PRKN: variants seen among roughly 807,000 people sequenced by gnomAD.
PRKN encodes E3 ubiquitin-protein ligase parkin.
Under a neutral mutation model 59.5 loss-of-function variants are expected in PRKN, and 56 were observed. The ratio of observed to expected loss-of-function variants is 0.94; its 90% CI spans 0.76 to 1.18. The LOEUF is 1.18. PRKN is among the 50% of genes most tolerant of loss of function. The probability of loss-of-function intolerance (pLI) is 0.00; values close to 1 mark genes in which losing one functional copy is unlikely to be tolerated. For synonymous variants in PRKN, 250 were observed against 222.1 expected (o/e 1.13, Z -1.12); for missense variants, 657 against 596.4 (o/e 1.10, Z -1.06).
rs1016161232 is a variant in PRKN at position 161,454,946 on chromosome 6, A to G, written c.1084-68069T>C. On this transcript the variant is annotated intron_variant, in intron 9 of 11. Transcript: ENST00000366898. The surrounding 1 kb of genome is among the most constrained non-coding windows in gnomAD (Gnocchi z 4.6). ...CTTCATAACACTGGTTTCTCTAGAC[A>G]TTATATTACATCTAGATTTGTCATA... 6.6e-6 allele frequency among the ~76,000 whole-genome samples: 1 copy of G among 151,962 alleles called. No individual in the cohort carries two copies. The highest frequency in any genetic ancestry group is 1.9e-4 in the East Asian group (1 of 5,180).
At chr6:161,619,480 T>A (rs1436687359) in intron 7 of PRKN, among the ~76,000 whole-genome samples, 1 of 152,182 alleles carries the variant, frequency 6.6e-6, no homozygotes, top group Admixed American at 6.5e-5. Flanking sequence ...AATAATGATA[T>A]CTATATAACA....
In PRKN at chr6:161,452,894, T is replaced by C. The variant is rs921501861; in HGVS notation, c.1084-66017A>G. 1.3e-4 allele frequency among the ~76,000 whole-genome samples: 20 copies of C among 151,592 alleles called. 1 individual carries two copies. Among genetic ancestry groups the C allele is most frequent in the Admixed American group, 1.2e-3 (19 of 15,218 alleles). ...TCTCTAATATCATATATATTTTATA[T>C]ATATATAAAATACCTCCATTCAAGT... On this transcript the variant is annotated intron_variant, in intron 9 of 11. Coordinates refer to ENST00000366898, the MANE Select transcript of PRKN (RefSeq NM_004562.3).
chr6:161,906,497 G>A (rs1476866555), intron 6 of PRKN, among the ~76,000 whole-genome samples: 1 of 151,944 alleles, frequency 6.6e-6, no homozygotes, highest in Non-Finnish European at 1.5e-5. Flanking sequence ...GAAGCCACTC[G>A]ACTCTGGGAC....
At chr6:162,132,264 G>A (rs1231803027) in intron 4 of PRKN, among the ~76,000 whole-genome samples, 4 of 152,054 alleles carry the variant, frequency 2.6e-5, no homozygotes, top group African/African-American at 7.3e-5. Context: ...GGGTCATGAC[G>A]GCTGGGCTCT....
chr6:161,679,432 G>A (rs1329873900), intron 7 of PRKN, among the ~76,000 whole-genome samples: 3 of 151,992 alleles, frequency 2.0e-5, no homozygotes, highest in African/African-American at 7.2e-5. Context: ...AGCCACACTC[G>A]GGAGGAACCC....
chr6:162,116,226 T>A (rs932277947), intron 4 of PRKN, among the ~76,000 whole-genome samples: 1 of 152,218 alleles, frequency 6.6e-6, no homozygotes, highest in Non-Finnish European at 1.5e-5. Context: ...AAAATTTGAT[T>A]AATAAACTGC....
intron 7 of PRKN, among the ~76,000 whole-genome samples, chr6:161,757,833 A>ATCTCTCTCTC (rs748787015): frequency 3.2e-4 from 12 of 37,626 alleles, no homozygotes; most frequent in African/African-American, 9.9e-4. Flanking sequence ...GCAAAACTCC[A>ATCTCTCTCTC]TCTCTCTCTC....
At position 161,651,060 on chromosome 6, in the gene PRKN, C is replaced by T. The variant is rs1022873824; in HGVS notation, c.872-81644G>A. Among the ~76,000 whole-genome samples the T allele has an allele frequency of 1.3e-5, 2 of 152,138 alleles. 1 individual carries two copies. Among genetic ancestry groups the T allele is most frequent in the South Asian group, 4.1e-4 (2 of 4,830 alleles). ...TATCATTGCTTTATCTAATAGATCA[C>T]ATTTAGGACAAGCAATGGATTAAGA... On this transcript the variant is annotated intron_variant, in intron 7 of 11. Coordinates refer to ENST00000366898, the MANE Select transcript of PRKN (RefSeq NM_004562.3).
At chr6:162,036,000 T>A (rs1783822608) in intron 5 of PRKN, among the ~76,000 whole-genome samples, 2 of 152,150 alleles carry the variant, frequency 1.3e-5, no homozygotes, top group South Asian at 4.1e-4. Flanking sequence ...AAGATCCTCC[T>A]AATAATGATA....
chr6:162,612,422 G>T (rs1782230172), intron 1 of PRKN, among the ~76,000 whole-genome samples: 1 of 151,606 alleles, frequency 6.6e-6, no homozygotes, highest in Admixed American at 6.6e-5. Flanking sequence ...GGGGAAAATA[G>T]CTTTCTAGCG....
chr6:162,296,867 T>A (rs1054731587), intron 2 of PRKN, among the ~76,000 whole-genome samples: 2 of 152,146 alleles, frequency 1.3e-5, no homozygotes, highest in African/African-American at 4.8e-5. Flanking sequence ...AAAGCATCGT[T>A]TCCATGCCAC....
Position 161,400,965 on chromosome 6 carries a change from C to A in PRKN, c.1084-14088G>T, listed in dbSNP as rs1441457802. ...GGGACAGATAGCGTCCAGGCCATTA[C>A]TCAAGGGGAAGACTGTTGATCAGAG... On this transcript the variant is annotated intron_variant, in intron 9 of 11. Transcript: ENST00000366898. The surrounding 1 kb of genome is among the most constrained non-coding windows in gnomAD (Gnocchi z 4.2). 6.6e-6 allele frequency among the ~76,000 whole-genome samples: 1 copy of A among 152,178 alleles called. No homozygotes were observed. Among genetic ancestry groups the A allele is most frequent in the Non-Finnish European group, 1.5e-5 (1 of 68,046 alleles).
intron 1 of PRKN, among the ~76,000 whole-genome samples, chr6:162,518,807 T>C (rs1357912019): frequency 1.3e-5 from 2 of 152,210 alleles, no homozygotes; most frequent in Non-Finnish European, 2.9e-5. Flanking sequence ...ATTTGAATTA[T>C]TCACAACACT....
intron 1 of PRKN, among the ~76,000 whole-genome samples, chr6:162,641,879 G>A (rs1037938262): frequency 6.6e-6 from 1 of 151,980 alleles, no homozygotes; most frequent in African/African-American, 2.4e-5. Flanking sequence ...AAATTAACAC[G>A]TTTCATTATT....
At chr6:161,810,697 T>C (rs1311601180) in intron 6 of PRKN, among the ~76,000 whole-genome samples, 3 of 152,208 alleles carry the variant, frequency 2.0e-5, no homozygotes, top group African/African-American at 7.2e-5. Flanking sequence ...TTTGCAACAT[T>C]CATGTATTTA....
intron 6 of PRKN, among the ~76,000 whole-genome samples, chr6:161,809,356 G>C (rs1791468830): frequency 1.3e-5 from 2 of 152,088 alleles, no homozygotes; most frequent in South Asian, 4.1e-4. Context: ...GTGGATTCTG[G>C]ACTTGCATTT....
intron 1 of PRKN, among the ~76,000 whole-genome samples, chr6:162,721,994 G>A (rs185042261): frequency 3.5e-4 from 54 of 152,312 alleles, no homozygotes; most frequent in South Asian, 8.3e-4. Flanking sequence ...GTGCTGATAT[G>A]TACATACATC....
intron 1 of PRKN, among the ~76,000 whole-genome samples, chr6:162,493,741 TA>T (rs1170211824): frequency 6.6e-6 from 1 of 152,160 alleles, no homozygotes; most frequent in Non-Finnish European, 1.5e-5. Flanking sequence ...ACTCCTTCCA[TA>T]AGGAAGCCCT....
chr6:161,682,917 T>A (rs1038434229), intron 7 of PRKN, among the ~76,000 whole-genome samples: 10 of 152,172 alleles, frequency 6.6e-5, no homozygotes, highest in Non-Finnish European at 8.8e-5. Flanking sequence ...CAATGGAGAC[T>A]GCACTGTCTC....
Sources: allele counts gnomAD v4.1 joint callset (sites outside exome capture counted in the v4.1 genomes callset), GRCh38; gene constraint gnomAD v4.1.1; non-coding constraint Gnocchi (gnomAD v3.1); transcripts MANE v1.5; gene names NCBI Gene and HGNC (gene_info 2026-07-23, HGNC 2026-07-21).